Variants in RBM33 observed in about 807,000 individuals in gnomAD.
RBM33 encodes the protein RNA binding motif protein 33.
RBM33 carries 28 observed loss-of-function variants against 132.6 expected under a neutral mutation model. The observed-to-expected ratio is 0.21, with a 90% CI of 0.16 to 0.29. The LOEUF (loss-of-function observed/expected upper bound fraction) is 0.29, where lower values mean the gene tolerates loss of function less well. RBM33 is among the 10% of genes least tolerant of loss of function. The pLI is 1.00. For synonymous variants in RBM33, 634 were observed against 593.0 expected (o/e 1.07, Z -1.01); for missense variants, 1,291 against 1,518.5 (o/e 0.85, Z 2.49).
At chr7:155,772,929 T>A (rs2117085341) in intron 16 of RBM33, among the ~76,000 whole-genome samples, 2 of 152,356 alleles carry the variant, frequency 1.3e-5, no homozygotes, top group Middle Eastern at 6.8e-3. Flanking sequence ...TCTGCTAGTC[T>A]TGTTTACTGA....
At chr7:155,730,432 G>A (rs1212453327) in intron 9 of RBM33, among the ~76,000 whole-genome samples, 1 of 152,248 alleles carries the variant, frequency 6.6e-6, no homozygotes, top group African/African-American at 2.4e-5. Context: ...GTGTAAAAAT[G>A]ATAACGACAT....
intron 13 of RBM33, among the ~76,000 whole-genome samples, chr7:155,743,773 G>A (rs1432333778): frequency 6.6e-6 from 1 of 152,128 alleles, no homozygotes; most frequent in African/African-American, 2.4e-5. Flanking sequence ...TTGACTGCAT[G>A]GGAAATTCCG....
In RBM33 at chr7:155,740,022, G is replaced by A. The variant is rs750703227; in HGVS notation, c.2045G>A (p.Arg682Gln). Residue 682 changes from arginine (R) to glutamine (Q), a missense_variant, in exon 12 of 18, where the codon CGG (arginine) becomes CAG (glutamine). By Grantham distance (43) the Arg-to-Gln change is conservative. This residue lies in a region of RBM33 where 841 missense variants were observed against 912.0 expected (regional missense o/e 0.92). Transcript: ENST00000401878. Reference sequence around the variant, plus strand: ...CAGTGCCCCCAGCGCCAGGGGCTCCGGCATGTAAGTGTCAAGGGGTGTCTT... The same window carrying A: ...CAGTGCCCCCAGCGCCAGGGGCTCCAGCATGTAAGTGTCAAGGGGTGTCTT... ...RMQCPQRQGL[R>Q]HNTTSQNVSK... The A allele has an allele frequency of 9.1e-6, 14 of 1,541,640 alleles. No individual in the cohort carries two copies. The highest frequency in any genetic ancestry group is 2.5e-5 in the South Asian group (2 of 80,772).
chr7:155,650,911 A>G (rs918987373), intron 1 of RBM33, among the ~76,000 whole-genome samples: 1 of 152,060 alleles, frequency 6.6e-6, no homozygotes, highest in African/African-American at 2.4e-5. Context: ...CTCTCGCTCT[A>G]TCGCCCAGGC....
chr7:155,777,133 T>C lies in RBM33; in HGVS notation c.*2092T>C, dbSNP rs1802640212. The stretch of plus-strand genomic sequence containing the variant: ...GCATGTTGTCTCTGAAAAGTAGGCA[T>C]TGAAACAGACTTTTTTGTAGTCAGT... On this transcript the variant is annotated 3_prime_UTR_variant, in exon 18 of 18. Transcript: ENST00000401878. 6.6e-6 allele frequency: 1 copy of C among 152,576 alleles called. No homozygotes were observed. The highest frequency in any genetic ancestry group is 2.4e-5 in the African/African-American group (1 of 41,410). 9.5% of individuals were successfully genotyped at this position (152,576 alleles called of 1,614,324 possible). A position where few individuals can be genotyped will look rare whatever the true frequency, so the allele number is the denominator to read the frequency against.
chr7:155,749,952 G>C lies in RBM33; in HGVS notation c.2979+4350G>C, dbSNP rs192085954. 9.8e-5 allele frequency among the ~76,000 whole-genome samples: 15 copies of C among 152,336 alleles called. No individual in the cohort carries two copies. In the East Asian group the frequency reaches 2.3e-3, roughly 23 times the overall value. ...GGAAATATTAGGGGAATTTGAAATG[G>C]AAAGAGATCTTTTGTTATGAGGCTA... On this transcript the variant is annotated intron_variant, in intron 14 of 17. Transcript: ENST00000401878.
chr7:155,715,188 G>A (rs191653875), intron 8 of RBM33, among the ~76,000 whole-genome samples: 299 of 152,230 alleles, frequency 2.0e-3, no homozygotes, highest in African/African-American at 5.7e-3. Context: ...ATGAACACAC[G>A]CATACTTGAA....
At chr7:155,669,354 GTT>G (rs1380426194) in intron 2 of RBM33, among the ~76,000 whole-genome samples, 1 of 152,066 alleles carries the variant, frequency 6.6e-6, no homozygotes, top group East Asian at 1.9e-4. Flanking sequence ...CACTCAAAAA[GTT>G]TTTGTTTGTT....
Position 155,745,052 on chromosome 7 carries a change from T to TACG in RBM33, c.2430_2432dup (p.Arg812dup). On this transcript the variant is annotated inframe_insertion, in exon 14 of 18. Coordinates refer to ENST00000401878, the MANE Select transcript of RBM33 (RefSeq NM_053043.3). This position sits in a 1 kb window ranked among gnomAD's most constrained non-coding sequence, Gnocchi z 4.1. ...GAAGAAATCCTGAAACAGAAGGAGT[T>TACG]ACGGCGGCAGCAGCAGGCTGGTGCC... 1 of 1,610,028 alleles carries TACG rather than the reference T, an allele frequency of 6.2e-7. No homozygotes were observed. Among genetic ancestry groups the TACG allele is most frequent in the Non-Finnish European group, 8.5e-7 (1 of 1,178,022 alleles).
chr7:155,760,319 C>G (rs538123856), intron 14 of RBM33, among the ~76,000 whole-genome samples: 1 of 152,300 alleles, frequency 6.6e-6, no homozygotes, highest in African/African-American at 2.4e-5. Context: ...GATGGAAGTC[C>G]TTCTTAGAGA....
Position 155,765,088 on chromosome 7 carries a change from C to T in RBM33, c.3186+1070C>T, listed in dbSNP as rs566737074. On this transcript the variant is annotated intron_variant, in intron 15 of 17. Coordinates refer to ENST00000401878, the MANE Select transcript of RBM33 (RefSeq NM_053043.3). ...GGCCTTAGAAACACCCTCCATAACG[C>T]GCACACGCACAGCACACTTGAGTTT... Among the ~76,000 whole-genome samples the T allele has an allele frequency of 1.4e-4, 22 of 152,280 alleles. No individual in the cohort carries two copies. In the South Asian group the frequency reaches 1.9e-3, roughly 13 times the overall value.
chr7:155,659,281 T>G (rs958549058), intron 1 of RBM33, among the ~76,000 whole-genome samples: 1 of 152,126 alleles, frequency 6.6e-6, no homozygotes, highest in Non-Finnish European at 1.5e-5. Flanking sequence ...ACCCAGACAT[T>G]GGATTTACTA....
At chr7:155,746,169 A>G (rs1801511092) in intron 14 of RBM33, among the ~76,000 whole-genome samples, 1 of 152,160 alleles carries the variant, frequency 6.6e-6, no homozygotes, top group South Asian at 2.1e-4. Context: ...CTTATTGTAG[A>G]TAATTTGTGA....
intron 7 of RBM33, among the ~76,000 whole-genome samples, chr7:155,710,420 G>A (rs542067245): frequency 4.6e-5 from 7 of 152,202 alleles, no homozygotes; most frequent in Non-Finnish European, 8.8e-5. Context: ...AACTTAAAAT[G>A]TGGGGAAGAT....
At chr7:155,764,042 A>G in intron 15 of RBM33, 24 bp downstream of exon 15, 1 of 1,488,266 alleles carries the variant, frequency 6.7e-7, no homozygotes, top group Non-Finnish European at 9.0e-7. Context: ...CCTCGCACGC[A>G]GCCCTGGAAA....
intron 6 of RBM33, among the ~76,000 whole-genome samples, chr7:155,706,028 G>A (rs10253829): frequency 0.016 from 2,488 of 152,220 alleles, 60 homozygotes; most frequent in African/African-American, 0.055. Context: ...CCTTGACTTC[G>A]GAATGAGTTC....
At position 155,665,193 on chromosome 7, in the gene RBM33, T is replaced by C. The variant is rs1585410435; in HGVS notation, c.62T>C (p.Phe21Ser). The stretch of plus-strand genomic sequence containing the variant: ...CTCATAGATGATGACTTTGACCAGT[T>C]TGATAAGCCTGGCGCGGAACGGTCG... ...AGAGDDDFDQ[F>S]DKPGAERSWR... The change falls in exon 2 of 18, where the codon TTT (phenylalanine) becomes TCT (serine). Residue 21 changes from phenylalanine to serine, a missense_variant. Phe to Ser is a radical substitution (Grantham distance 155). This residue lies in a region of RBM33 where 194 missense variants were observed against 249.8 expected (regional missense o/e 0.78). Transcript: ENST00000401878. The C allele has an allele frequency of 3.1e-6, 5 of 1,613,896 alleles. No homozygotes were observed. Among genetic ancestry groups the C allele is most frequent in the Non-Finnish European group, 4.2e-6 (5 of 1,179,794 alleles).
chr7:155,775,075 A>G lies in RBM33; in HGVS notation c.*34A>G, dbSNP rs1281691673. 6.3e-7 allele frequency: 1 copy of G among 1,587,340 alleles called. No individual in the cohort carries two copies. Among genetic ancestry groups the G allele is most frequent in the East Asian group, 2.2e-5 (1 of 44,752 alleles). On this transcript the variant is annotated 3_prime_UTR_variant, in exon 18 of 18. Transcript: ENST00000401878. ...AAGAGAGCCTGACCTTAGGCTGTAC[A>G]CACACTGTGGAATTTCTTCAAGGGA...
intron 5 of RBM33, among the ~76,000 whole-genome samples, chr7:155,694,775 G>A (rs1336561237): frequency 6.6e-6 from 1 of 152,138 alleles, no homozygotes; most frequent in Admixed American, 6.5e-5. Flanking sequence ...CCATTTTATG[G>A]ATGTACCCCA....
Sources: gnomAD v4.1 joint callset for allele counts (sites outside exome capture counted in the v4.1 genomes callset) on GRCh38, gnomAD v4.1.1 for gene constraint, gnomAD v4.1.1 regional missense constraint, Gnocchi (gnomAD v3.1) non-coding constraint, MANE v1.5 for transcripts, NCBI Gene and HGNC (gene_info 2026-07-23, HGNC 2026-07-21) for gene names.